The following RPH3A variants were observed in gnomAD, a reference collection of about 807,000 sequenced individuals.
RPH3A encodes the protein rabphilin-3A.
RPH3A carries 48 observed loss-of-function variants against 102.2 expected under a neutral mutation model. The ratio of observed to expected loss-of-function variants is 0.47; its 90% confidence interval spans 0.37 to 0.60. The LOEUF is 0.60. Ranked by LOEUF, RPH3A falls within the 20% of genes least tolerant of loss-of-function variation. RPH3A has a pLI of 0.00. For synonymous variants in RPH3A, 310 were observed against 324.3 expected (o/e 0.96, Z 0.47); for missense variants, 781 against 910.1 (o/e 0.86, Z 1.83).
chr12:112,581,846 G>A (rs532836803), intron 1 of RPH3A, among the ~76,000 whole-genome samples: 3 of 148,300 alleles, frequency 2.0e-5, no homozygotes, highest in Admixed American at 6.7e-5. Flanking sequence ...CACCAGCTAC[G>A]TGACCTTGTG....
At chr12:112,841,863 G>A (rs1004643511) in intron 4 of RPH3A, 45 of 450,338 alleles carry the variant, frequency 1.0e-4, no homozygotes, top group Non-Finnish European at 2.0e-4. Context: ...GCCACTTAAA[G>A]TCAGCTAGGT....
chr12:112,767,827 TA>T (rs1248654777), intron 1 of RPH3A, among the ~76,000 whole-genome samples: 4 of 152,030 alleles, frequency 2.6e-5, no homozygotes, highest in Non-Finnish European at 4.4e-5. Flanking sequence ...CGATGAACCT[TA>T]AAAAAAATCA....
chr12:112,691,226 G>A lies in RPH3A; in HGVS notation c.-139-100917G>A, dbSNP rs183476688. The stretch of plus-strand genomic sequence containing the variant: ...TTTTTAGTAGAGACGGGGTTTCACC[G>A]TGGTCTCGATCTCCTGACCTCGTGA... On this transcript the variant is annotated intron_variant, in intron 1 of 21. Transcript: ENST00000543106. Among the ~76,000 whole-genome samples, 323 of 152,088 alleles carry A rather than the reference G, an allele frequency of 2.1e-3. 6 individuals carry two copies. The highest frequency in any genetic ancestry group is 7.3e-3 in the African/African-American group (305 of 41,500).
chr12:112,780,581 A>G (rs1408574315), intron 1 of RPH3A, among the ~76,000 whole-genome samples: 3 of 152,174 alleles, frequency 2.0e-5, no homozygotes, highest in Admixed American at 2.0e-4. Flanking sequence ...GACGATTTTT[A>G]TTACCTTCAG....
chr12:112,807,085 A>T (rs1382532844), intron 2 of RPH3A, among the ~76,000 whole-genome samples: 1 of 151,968 alleles, frequency 6.6e-6, no homozygotes, highest in Non-Finnish European at 1.5e-5. Context: ...GGGTGAGATG[A>T]GGCGGGTGGT....
intron 1 of RPH3A, among the ~76,000 whole-genome samples, chr12:112,718,434 A>G (rs2040528183): frequency 6.6e-6 from 1 of 152,190 alleles, no homozygotes; most frequent in East Asian, 1.9e-4. Flanking sequence ...TAAAGTCTAT[A>G]ACAATGATTC....
chr12:112,604,623 A>T (rs1180858272), intron 1 of RPH3A, among the ~76,000 whole-genome samples: 2 of 152,222 alleles, frequency 1.3e-5, no homozygotes, highest in African/African-American at 4.8e-5. Context: ...GGTTAATTAT[A>T]TAAGTGACAT....
At chr12:112,886,538 C>T (rs1593129349) in intron 16 of RPH3A, among the ~76,000 whole-genome samples, 1 of 152,116 alleles carries the variant, frequency 6.6e-6, no homozygotes, top group South Asian at 2.1e-4. Context: ...GCTTGCTCAC[C>T]TGCTGCTCAC....
At chr12:112,815,731 T>C (rs1233228801) in intron 2 of RPH3A, among the ~76,000 whole-genome samples, 4 of 152,210 alleles carry the variant, frequency 2.6e-5, no homozygotes, top group Non-Finnish European at 4.4e-5. Flanking sequence ...TTAAGCTAAA[T>C]GACTTGTTTT....
At chr12:112,773,884 C>A (rs2040945166) in intron 1 of RPH3A, among the ~76,000 whole-genome samples, 1 of 151,892 alleles carries the variant, frequency 6.6e-6, no homozygotes, top group Admixed American at 6.6e-5. Flanking sequence ...AGTTCGAGAC[C>A]AGCCTGGCCA....
intron 14 of RPH3A, among the ~76,000 whole-genome samples, chr12:112,881,275 T>C (rs923767857): frequency 6.6e-6 from 1 of 152,224 alleles, no homozygotes; most frequent in Non-Finnish European, 1.5e-5. Context: ...ATCCCAGCCC[T>C]GATGGATGGA....
At chr12:112,846,403 G>A (rs566453964) in intron 4 of RPH3A, among the ~76,000 whole-genome samples, 1 of 152,294 alleles carries the variant, frequency 6.6e-6, no homozygotes, top group East Asian at 1.9e-4. Flanking sequence ...CCCAGGCAGC[G>A]TCCTCCTTCC....
At position 112,870,183 on chromosome 12, in the gene RPH3A, T is replaced by C. The variant is rs1044175110; in HGVS notation, c.796+144T>C. 75 of 791,134 alleles carry C rather than the reference T, an allele frequency of 9.5e-5. No homozygotes were observed. The African/African-American group carries it at 1.2e-3, about 13-fold the overall frequency. 49.0% of individuals were successfully genotyped at this position (791,134 alleles called of 1,614,324 possible). ...CGTGTTCTATTCCAGATACTGGTTTTAGTCTATGGTAGAGGAAAGACAGGA... is the reference window on the plus strand; with the variant it reads ...CGTGTTCTATTCCAGATACTGGTTTCAGTCTATGGTAGAGGAAAGACAGGA... On this transcript the variant is annotated intron_variant, in intron 10 of 21. Coordinates refer to ENST00000389385, the MANE Select transcript of RPH3A (RefSeq NM_001143854.2).
At position 112,876,793 on chromosome 12, in the gene RPH3A, T is replaced by A; in HGVS notation, c.1098T>A (p.Pro366=). The A allele has an allele frequency of 1.2e-6, 2 of 1,610,082 alleles. No individual in the cohort carries two copies. The highest frequency in any genetic ancestry group is 1.7e-6 in the Non-Finnish European group (2 of 1,178,214). The part of the protein sequence containing the change: ...YSQASAAAPQ[P]AAARQPPPPE... ...AAGCATCTGCAGCTGCCCCCCAGCC[T>A]GCTGCAGCCCGCCAGCCACCACCCC... The change falls in exon 13 of 22, where the codon CCT becomes CCA. Residue 366 remains proline (P), a synonymous_variant. Transcript: ENST00000389385.
In RPH3A at chr12:112,766,853, T is replaced by A. The variant is rs114712256; in HGVS notation, c.-139-25290T>A. Among the ~76,000 whole-genome samples, 1,202 of 152,256 alleles carry A rather than the reference T, an allele frequency of 7.9e-3. 18 individuals are homozygous for A. Among genetic ancestry groups the A allele is most frequent in the African/African-American group, 0.027 (1,128 of 41,552 alleles). On this transcript the variant is annotated intron_variant, in intron 1 of 21. Transcript: ENST00000543106. ...CATAGCTCAGTCTTTATATCCAAAA[T>A]TCAAACCCCCAGCAGCAGAAATATG...
rs116527727 is a variant in RPH3A, at chr12:112,714,607, T to C, written c.-139-77536T>C. 1.2e-3 allele frequency among the ~76,000 whole-genome samples: 181 copies of C among 152,316 alleles called. 2 individuals are homozygous for C. The highest frequency in any genetic ancestry group is 3.9e-3 in the African/African-American group (164 of 41,554). ...GTGAGAAAGTATAAAAGCCCAATTA[T>C]GTTATTTTCAAGTATAGGATTTTCT... On this transcript the variant is annotated intron_variant, in intron 1 of 21. Coordinates refer to the RPH3A transcript ENST00000543106.
At chr12:112,600,816 G>A (rs922362385) in intron 1 of RPH3A, among the ~76,000 whole-genome samples, 4 of 152,204 alleles carry the variant, frequency 2.6e-5, no homozygotes, top group Admixed American at 6.5e-5. Context: ...TCCTCATGCT[G>A]CTAATAAAGA....
chr12:112,869,940 G>T lies in RPH3A; in HGVS notation c.697G>T (p.Val233Leu). 6.2e-7 allele frequency: 1 copy of T among 1,614,128 alleles called. No homozygotes were observed. The highest frequency in any genetic ancestry group is 8.5e-7 in the Non-Finnish European group (1 of 1,180,022). The change falls in exon 10 of 22, where the codon GTG becomes TTG. Residue 233 changes from valine to leucine, a missense_variant. This residue lies in a region of RPH3A where 730 missense variants were observed against 810.0 expected (regional missense o/e 0.90). Transcript: ENST00000389385. Reference protein sequence around the residue: ...APGRGNYGPPVRRASEARMSS... With the variant: ...APGRGNYGPPLRRASEARMSS... ...CGGGCGAGGAAACTATGGGCCTCCC[G>T]TGCGCAGGGCCTCCGAGGCACGAAT...
At chr12:112,879,233 G>T (rs780737775) in intron 14 of RPH3A, 35 bp downstream of exon 14, 2 of 1,579,554 alleles carry the variant, frequency 1.3e-6, no homozygotes, top group Non-Finnish European at 8.7e-7. Context: ...AACCTCTCAG[G>T]ATGCTCTGGC....
Sources: allele counts gnomAD v4.1 joint callset (sites outside exome capture counted in the v4.1 genomes callset), GRCh38; gene constraint gnomAD v4.1.1; regional missense constraint gnomAD v4.1.1; transcripts MANE v1.5; gene names NCBI Gene and HGNC (gene_info 2026-07-23, HGNC 2026-07-21).